TENM4: variants seen among roughly 807,000 people sequenced by gnomAD.
The protein encoded by TENM4 is teneurin transmembrane protein 4.
TENM4 carries 82 observed loss-of-function variants against 243.3 expected under a neutral mutation model. The ratio of observed to expected loss-of-function variants is 0.34; its 90% CI spans 0.28 to 0.40. The LOEUF is 0.40. Among genes scored for constraint, TENM4 ranks in the 10% least tolerant of loss-of-function variants. TENM4 has a pLI of 1.00. For synonymous variants in TENM4, 1,412 were observed against 1,456.3 expected, an observed-to-expected ratio of 0.97 and a Z score of 0.69; for missense variants, 3,138 against 3,673.3, an observed-to-expected ratio of 0.85 and a Z score of 3.77.
At chr11:79,122,043 A>G (rs1224726838) in intron 4 of TENM4, among the ~76,000 whole-genome samples, 1 of 152,140 alleles carries the variant, frequency 6.6e-6, no homozygotes, top group East Asian at 1.9e-4. Context: ...ACTAAGGTAA[A>G]ATTTCAATGT....
At chr11:79,266,498 C>T (rs564536986) in intron 2 of TENM4, among the ~76,000 whole-genome samples, 1 of 152,304 alleles carries the variant, frequency 6.6e-6, no homozygotes, top group South Asian at 2.1e-4. Flanking sequence ...AGCTCCTGTG[C>T]CCCAGAGCCC....
At chr11:79,000,222 G>A (rs568360936) in intron 6 of TENM4, among the ~76,000 whole-genome samples, 125 of 152,272 alleles carry the variant, frequency 8.2e-4, no homozygotes, top group Non-Finnish European at 1.5e-3. Context: ...TTACTGCTAG[G>A]AGACCTGCCT....
At chr11:78,884,224 G>A (rs1468266929) in intron 9 of TENM4, among the ~76,000 whole-genome samples, 1 of 152,204 alleles carries the variant, frequency 6.6e-6, no homozygotes, top group Non-Finnish European at 1.5e-5. Context: ...CTTGGAAGCA[G>A]CAGTGCTGAG....
At chr11:78,787,369 C>G (rs985786117) in intron 15 of TENM4, among the ~76,000 whole-genome samples, 1 of 152,206 alleles carries the variant, frequency 6.6e-6, no homozygotes, top group African/African-American at 2.4e-5. Flanking sequence ...TTGTAGGGCT[C>G]TGCTCAATTT....
intron 1 of TENM4, among the ~76,000 whole-genome samples, chr11:79,396,541 A>T (rs1260309802): frequency 6.6e-6 from 1 of 152,206 alleles, no homozygotes; most frequent in Non-Finnish European, 1.5e-5. Flanking sequence ...CTCCCAAAGC[A>T]GCCCAACTGT....
intron 5 of TENM4, among the ~76,000 whole-genome samples, chr11:79,066,196 G>C (rs866385114): frequency 2.0e-5 from 3 of 152,210 alleles, no homozygotes; most frequent in African/African-American, 7.2e-5. Context: ...TCCACAGAGT[G>C]CTCTGGGAGC....
chr11:79,087,848 T>G (rs1026813912), intron 4 of TENM4, among the ~76,000 whole-genome samples: 1 of 152,240 alleles, frequency 6.6e-6, no homozygotes, highest in African/African-American at 2.4e-5. Flanking sequence ...ACAAATGCTG[T>G]GCTCCTCTAC....
At chr11:79,364,781 A>G (rs899611176) in intron 1 of TENM4, among the ~76,000 whole-genome samples, 2 of 152,162 alleles carry the variant, frequency 1.3e-5, no homozygotes, top group African/African-American at 4.8e-5. Flanking sequence ...TCTAACACTC[A>G]TGCCTGTGGT....
intron 6 of TENM4, among the ~76,000 whole-genome samples, chr11:78,947,157 A>G (rs934017123): frequency 5.9e-5 from 9 of 152,224 alleles, no homozygotes; most frequent in African/African-American, 1.7e-4. Context: ...GGCAAACTTC[A>G]TTGTTTACAG....
chr11:79,157,950 C>A (rs1394633009), intron 3 of TENM4, among the ~76,000 whole-genome samples: 1 of 152,180 alleles, frequency 6.6e-6, no homozygotes, highest in African/African-American at 2.4e-5. Flanking sequence ...CTGGGGAGTT[C>A]TAACCTCTGG....
intron 19 of TENM4, among the ~76,000 whole-genome samples, chr11:78,750,270 T>C (rs1259173454): frequency 2.0e-5 from 3 of 152,264 alleles, no homozygotes; most frequent in East Asian, 3.8e-4. Context: ...TGATATTTTC[T>C]ATTTCCTTCT....
intron 6 of TENM4, among the ~76,000 whole-genome samples, chr11:78,949,428 A>G (rs939161253): frequency 2.0e-5 from 3 of 152,246 alleles, no homozygotes; most frequent in African/African-American, 7.2e-5. Context: ...GGGAATCAGA[A>G]GGCGTGGATT....
At chr11:79,248,051 A>G (rs1855550249) in intron 2 of TENM4, among the ~76,000 whole-genome samples, 1 of 152,128 alleles carries the variant, frequency 6.6e-6, no homozygotes, top group East Asian at 1.9e-4. Flanking sequence ...CATCTGGTGG[A>G]AGGTGGAAGA....
At chr11:79,218,256 C>A (rs1864095705) in intron 2 of TENM4, among the ~76,000 whole-genome samples, 1 of 97,274 alleles carries the variant, frequency 1.0e-5, no homozygotes, top group Admixed American at 1.2e-4. Context: ...CACACACAAC[C>A]CCACCCCAAG....
At chr11:78,702,438 C>A in intron 27 of TENM4, 35 bp from the exon 28 acceptor site, 1 of 1,582,916 alleles carries the variant, frequency 6.3e-7, no homozygotes, top group South Asian at 1.2e-5. Context: ...AAATGACTGG[C>A]AAGATGCCCA....
At chr11:78,823,352 C>A (rs577883513) in intron 12 of TENM4, among the ~76,000 whole-genome samples, 11 of 152,356 alleles carry the variant, frequency 7.2e-5, no homozygotes, top group African/African-American at 2.6e-4. Context: ...GCACCTGACC[C>A]AAGCCAAGCT....
chr11:79,212,070 A>C (rs750824155), intron 3 of TENM4, among the ~76,000 whole-genome samples: 5 of 152,226 alleles, frequency 3.3e-5, no homozygotes, highest in Non-Finnish European at 5.9e-5. Flanking sequence ...TCCTAAACAG[A>C]CGACTCAGTC....
At chr11:78,945,744 C>T (rs958254410) in intron 6 of TENM4, among the ~76,000 whole-genome samples, 2 of 152,102 alleles carry the variant, frequency 1.3e-5, no homozygotes, top group African/African-American at 4.8e-5. Flanking sequence ...GATAAGAAGG[C>T]AAAACAGCCT....
chr11:79,238,666 C>T (rs908680438), intron 2 of TENM4, among the ~76,000 whole-genome samples: 1 of 144,272 alleles, frequency 6.9e-6, no homozygotes, highest in Non-Finnish European at 1.5e-5. Flanking sequence ...AAATCTCTTT[C>T]TCTCTCTCTC....
Sources: gnomAD v4.1 joint callset for allele counts (sites outside exome capture counted in the v4.1 genomes callset) on GRCh38, gnomAD v4.1.1 for gene constraint, MANE v1.5 for transcripts, NCBI Gene and HGNC (gene_info 2026-07-23, HGNC 2026-07-21) for gene names.